BCR: variants seen among roughly 807,000 people sequenced by gnomAD.
The protein encoded by BCR is BCR activator of RhoGEF and GTPase.
BCR carries 58 observed loss-of-function variants against 138.6 expected under a neutral mutation model. That is an observed-to-expected ratio of 0.42 (90% CI 0.34 to 0.52). The LOEUF (loss-of-function observed/expected upper bound fraction) is 0.52. Ranked by LOEUF, BCR falls within the 20% of genes least tolerant of loss-of-function variation. The pLI, the probability that BCR is intolerant of heterozygous loss-of-function variation, is 0.06. For synonymous variants in BCR, 786 were observed against 730.1 expected, an observed-to-expected ratio of 1.08 and a Z score of -1.23; for missense variants, 1,599 against 1,727.2, an observed-to-expected ratio of 0.93 and a Z score of 1.32.
Position 23,261,487 on chromosome 22 carries a change from C to T in BCR, c.1699C>T (p.Arg567Cys), listed in dbSNP as rs781699932. 1.7e-5 allele frequency: 28 copies of T among 1,613,508 alleles called. 1 individual carries two copies. The highest frequency in any genetic ancestry group is 1.6e-4 in the Middle Eastern group (1 of 6,072). ...GGAGTTCTATGATGGGCTCTTCCCC[C>T]GCGTGCAGCAGTGGAGCCACCAGCA... is the stretch of plus-strand genomic sequence containing the variant. The part of the protein sequence containing the change: ...HKEFYDGLFP[R>C]VQQWSHQQRV... The change falls in exon 4 of 23, where the codon CGC becomes TGC. Residue 567 changes from arginine (R) to cysteine (C), a missense_variant. Arg to Cys is a radical substitution (Grantham distance 180, BLOSUM62 -3). Transcript: ENST00000305877.
chr22:23,285,259 G>T, intron 10 of BCR, 58 bp downstream of exon 10: 1 of 1,533,076 alleles, frequency 6.5e-7, no homozygotes, highest in Non-Finnish European at 8.8e-7. Context: ...AGCAGCCCCC[G>T]CACACGGCCA....
intron 1 of BCR, among the ~76,000 whole-genome samples, chr22:23,230,384 T>A (rs936178435): frequency 2.0e-5 from 3 of 152,216 alleles, no homozygotes; most frequent in Admixed American, 1.3e-4. Context: ...ACTACTGCCC[T>A]TAGACAGCAT....
rs147089472 is a variant in BCR at position 23,238,558 on chromosome 22, A to G, written c.1280-15241A>G. ...TGTTGGTTCCACGTCCAAACCTTCAACCTTCATCTGTAAAATGGGGTACTG... is the reference window on the plus strand; with the variant it reads ...TGTTGGTTCCACGTCCAAACCTTCAGCCTTCATCTGTAAAATGGGGTACTG... On this transcript the variant is annotated intron_variant, in intron 1 of 22. Transcript: ENST00000305877. Among the ~76,000 whole-genome samples the G allele has an allele frequency of 5.2e-4, 79 of 152,006 alleles. 3 individuals carry two copies. The East Asian group carries it at 9.1e-3, about 18-fold the overall frequency.
At chr22:23,232,405 C>A (rs2072969332) in intron 1 of BCR, among the ~76,000 whole-genome samples, 1 of 152,358 alleles carries the variant, frequency 6.6e-6, no homozygotes, top group Admixed American at 6.5e-5. Flanking sequence ...CTGCCCAGCT[C>A]ATGAATTCTG....
At position 23,307,932 on chromosome 22, in the gene BCR, C is replaced by T. The variant is rs973590725; in HGVS notation, c.3013-1492C>T. Among the ~76,000 whole-genome samples the T allele has an allele frequency of 5.2e-5, 7 of 134,746 alleles. 1 individual carries two copies. Among genetic ancestry groups the T allele is most frequent in the African/African-American group, 2.0e-4 (7 of 34,962 alleles). 88.4% of individuals were successfully genotyped at this position (134,746 alleles called of 152,430 possible). A position where few individuals can be genotyped will look rare whatever the true frequency, so the allele number is the denominator to read the frequency against. ...TCTGGCCACTTCACCTGCAGAAGGC[C>T]CAGGTGGCTGTAGCCGCTAGGGTCC... On this transcript the variant is annotated intron_variant, in intron 16 of 22. Transcript: ENST00000305877.
chr22:23,263,330 C>A, intron 4 of BCR: 1 of 1,191,906 alleles, frequency 8.4e-7, no homozygotes, highest in Non-Finnish European at 1.2e-6. Flanking sequence ...GCGACCTGCT[C>A]CGGCGCCAGA....
intron 4 of BCR, chr22:23,265,117 T>C (rs2073424144): frequency 6.6e-6 from 1 of 152,096 alleles, no homozygotes. Flanking sequence ...CCGAAATCAC[T>C]CAGAGACTTT....
chr22:23,228,730 A>C (rs2072920543), intron 1 of BCR, among the ~76,000 whole-genome samples: 1 of 152,158 alleles, frequency 6.6e-6, no homozygotes, highest in Admixed American at 6.5e-5. Flanking sequence ...AGTTACGTGA[A>C]TCCTTATTCT....
chr22:23,271,579 G>A lies in BCR; in HGVS notation c.1908G>A (p.Lys636=), dbSNP rs982881150. 1 of 1,613,906 alleles carries A rather than the reference G, an allele frequency of 6.2e-7. No individual in the cohort carries two copies. The highest frequency in any genetic ancestry group is 1.3e-5 in the African/African-American group (1 of 74,920). The change falls in exon 6 of 23, where the codon AAG becomes AAA. Residue 636 remains lysine, a synonymous_variant. Transcript: ENST00000305877. ...SNKDAKDPTT[K]NSLETLLYKP... ...AAGATGCCAAGGATCCAACGACCAA[G>A]AACTCTCTGGAAAGTGAGTTCTGCA...
chr22:23,274,839 C>T lies in BCR; in HGVS notation c.2115+1065C>T, dbSNP rs562178806. On this transcript the variant is annotated intron_variant, in intron 8 of 22. Coordinates refer to ENST00000305877, the MANE Select transcript of BCR (RefSeq NM_004327.4). ...AGGTGAATCGCTTGAACCCAGGAGG[C>T]GGAGTTTGCAGTGAGCCGAGATCTC... 5.2e-5 allele frequency among the ~76,000 whole-genome samples: 7 copies of T among 134,112 alleles called. No individual in the cohort carries two copies. In the East Asian group the frequency reaches 1.2e-3, roughly 23 times the overall value. 88.0% of individuals were successfully genotyped at this position (134,112 alleles called of 152,430 possible).
chr22:23,196,030 T>G (rs1004412525), intron 1 of BCR, among the ~76,000 whole-genome samples: 4 of 152,252 alleles, frequency 2.6e-5, no homozygotes, highest in African/African-American at 7.2e-5. Flanking sequence ...AGCCACTTTC[T>G]GCAGTCACCA....
intron 2 of BCR, among the ~76,000 whole-genome samples, chr22:23,254,758 T>C (rs1481236431): frequency 6.6e-6 from 1 of 152,220 alleles, no homozygotes; most frequent in Non-Finnish European, 1.5e-5. Flanking sequence ...CCTCTTGGGT[T>C]CCTTACTTCT....
Position 23,181,967 on chromosome 22 carries a change from A to C in BCR, c.1007A>C (p.Glu336Ala). The change falls in exon 1 of 23, where the codon GAG (glutamate) becomes GCG (alanine). Residue 336 changes from glutamate (E) to alanine (A), a missense_variant. Physicochemically the swap from Glu to Ala is moderately radical, Grantham distance 107. Coordinates refer to ENST00000305877, the MANE Select transcript of BCR (RefSeq NM_004327.4). Reference sequence around the variant, plus strand: ...TATACCCCGGACTGCAGCTCCAATGAGAACCTCACCTCCAGCGAGGAGGAC... The same window carrying C: ...TATACCCCGGACTGCAGCTCCAATGCGAACCTCACCTCCAGCGAGGAGGAC... ...GGYTPDCSSN[E>A]NLTSSEEDFS... 6.2e-7 allele frequency: 1 copy of C among 1,613,118 alleles called. No homozygotes were observed. The highest frequency in any genetic ancestry group is 8.5e-7 in the Non-Finnish European group (1 of 1,179,924).
chr22:23,306,780 A>G (rs1429295447), intron 16 of BCR: 3 of 152,354 alleles, frequency 2.0e-5, no homozygotes, highest in African/African-American at 7.2e-5. Context: ...CAGCAAGGCC[A>G]AGCATGCAAG....
Position 23,287,017 on chromosome 22 carries a change from G to A in BCR, c.2407-142G>A. ...AGAGGCCACCAGCAACTGCGGTCTGGGGCCCTGGTCTGTGCTGAGTGGAGA... is the reference window on the plus strand; with the variant it reads ...AGAGGCCACCAGCAACTGCGGTCTGAGGCCCTGGTCTGTGCTGAGTGGAGA... On this transcript the variant is annotated intron_variant, in intron 10 of 22. Coordinates refer to ENST00000305877, the MANE Select transcript of BCR (RefSeq NM_004327.4). The A allele has an allele frequency of 4.3e-6, 6 of 1,408,560 alleles. No homozygotes were observed. The East Asian group carries it at 1.5e-4, about 36-fold the overall frequency. The allele number at this position is 1,408,560 out of a possible 1,614,324, so 87.3% of individuals were successfully genotyped here. A position where few individuals can be genotyped will look rare whatever the true frequency, so the allele number is the denominator to read the frequency against.
At chr22:23,237,639 G>A (rs1320320125) in intron 1 of BCR, among the ~76,000 whole-genome samples, 2 of 152,208 alleles carry the variant, frequency 1.3e-5, no homozygotes, top group African/African-American at 4.8e-5. Flanking sequence ...CCTGATTTTT[G>A]CTGGAGAAGA....
At chr22:23,242,844 G>C (rs2073109740) in intron 1 of BCR, 1 of 455,614 alleles carries the variant, frequency 2.2e-6, no homozygotes, top group African/African-American at 2.0e-5. Context: ...CCCACATCAA[G>C]GTGTCCGCAG....
At chr22:23,226,183 T>C (rs1414087314) in intron 1 of BCR, among the ~76,000 whole-genome samples, 1 of 152,200 alleles carries the variant, frequency 6.6e-6, no homozygotes, top group African/African-American at 2.4e-5. Context: ...AGAATCTCCA[T>C]TATGTATGAA....
chr22:23,198,288 G>A (rs754063729), intron 1 of BCR: 7 of 449,040 alleles, frequency 1.6e-5, no homozygotes, highest in Non-Finnish European at 3.1e-5. Flanking sequence ...GGCCTGCTCT[G>A]TTCCGGGGCA....
Sources: gnomAD v4.1 joint callset for allele counts (sites outside exome capture counted in the v4.1 genomes callset) on GRCh38, gnomAD v4.1.1 for gene constraint, MANE v1.5 for transcripts, NCBI Gene and HGNC (gene_info 2026-07-23, HGNC 2026-07-21) for gene names.